Variants in STK3 observed in about 807,000 individuals in gnomAD.
STK3 encodes serine/threonine kinase 3.
A neutral mutation model predicts 58.0 loss-of-function variants in STK3; 41 were observed. The ratio of observed to expected loss-of-function variants is 0.71; its 90% confidence interval spans 0.55 to 0.92. The LOEUF (loss-of-function observed/expected upper bound fraction) is 0.92. Among genes scored for constraint, STK3 ranks in the 40% least tolerant of loss-of-function variants. The pLI is 0.00. For synonymous variants in STK3, 170 were observed against 191.0 expected (o/e 0.89, Z 0.91); for missense variants, 479 against 602.7 (o/e 0.79, Z 2.15).
At chr8:98,942,402 C>G (rs1343456115) in exon 1 of STK3, 1 of 152,280 alleles carries the variant, frequency 6.6e-6, no homozygotes, top group African/African-American at 2.4e-5. Context: ...GTAGTCGTGC[C>G]CAGAACGCCG....
intron 1 of STK3, among the ~76,000 whole-genome samples, chr8:98,387,899 G>A (rs1439190978): frequency 7.2e-6 from 1 of 139,684 alleles, no homozygotes; most frequent in Non-Finnish European, 1.5e-5. Context: ...TGTCAGATAC[G>A]GAGCAGGAAT....
chr8:98,517,900 A>G (rs566576895), intron 10 of STK3, among the ~76,000 whole-genome samples: 44 of 152,236 alleles, frequency 2.9e-4, no homozygotes, highest in Admixed American at 9.8e-4. Context: ...AACATCCAAA[A>G]TTGGGTTATG....
At chr8:98,795,849 T>TACAAC (rs1833135965) in intron 1 of STK3, among the ~76,000 whole-genome samples, 1 of 147,358 alleles carries the variant, frequency 6.8e-6, no homozygotes, top group Admixed American at 6.7e-5. Context: ...TACAATACAA[T>TACAAC]ACAATACAAT....
chr8:98,556,794 G>T (rs1287690484), intron 8 of STK3, among the ~76,000 whole-genome samples: 1 of 151,960 alleles, frequency 6.6e-6, no homozygotes, highest in Non-Finnish European at 1.5e-5. Context: ...GTACTAAAAA[G>T]GGTCATATAG....
At chr8:98,524,392 T>C (rs1162721352) in intron 10 of STK3, among the ~76,000 whole-genome samples, 1 of 152,240 alleles carries the variant, frequency 6.6e-6, no homozygotes, top group Non-Finnish European at 1.5e-5. Flanking sequence ...TTGTAAAAAA[T>C]ATCATTAGGA....
intron 7 of STK3, among the ~76,000 whole-genome samples, chr8:98,588,208 C>G (rs369624933): frequency 1.3e-5 from 2 of 151,910 alleles, no homozygotes; most frequent in African/African-American, 4.8e-5. Flanking sequence ...GGTCTTTACA[C>G]TTTGGCATGA....
intron 2 of STK3, among the ~76,000 whole-genome samples, chr8:98,767,597 G>A (rs1831029798): frequency 6.6e-6 from 1 of 152,164 alleles, no homozygotes. Context: ...ATAATGAGTA[G>A]CTATTTTTCT....
the STK3 span, among the ~76,000 whole-genome samples, chr8:98,362,811 T>C: frequency 6.6e-6 from 1 of 152,202 alleles, no homozygotes; most frequent in African/African-American, 2.4e-5. Flanking sequence ...TCCCTTCACT[T>C]CCTTAGCCAC....
intron 3 of STK3, among the ~76,000 whole-genome samples, chr8:98,838,506 G>A (rs1477437688): frequency 6.6e-6 from 1 of 152,088 alleles, no homozygotes; most frequent in Non-Finnish European, 1.5e-5. Context: ...GGAAAACAGG[G>A]CAATGAGGCC....
the STK3 span, among the ~76,000 whole-genome samples, chr8:98,350,806 C>T: frequency 6.6e-6 from 1 of 152,124 alleles, no homozygotes; most frequent in African/African-American, 2.4e-5. Flanking sequence ...CAGTTATCTC[C>T]CACTGGGTCC....
intron 10 of STK3, among the ~76,000 whole-genome samples, chr8:98,490,722 AAAACCAACTGCAAGTTTCAC>A (rs1261913417): frequency 6.6e-6 from 1 of 152,218 alleles, no homozygotes; most frequent in East Asian, 1.9e-4. Context: ...GCCTTTGAAA[AAAACCAACTGCAAGTTTCAC>A]AAACCATTTA....
intron 3 of STK3, among the ~76,000 whole-genome samples, chr8:98,393,396 CCTT>C (rs1817866505): frequency 6.6e-6 from 1 of 152,152 alleles, no homozygotes; most frequent in Non-Finnish European, 1.5e-5. Flanking sequence ...GTCCTTCACT[CCTT>C]CTTGTGTCCA....
At chr8:98,382,543 T>G (rs906908801) in intron 1 of STK3, among the ~76,000 whole-genome samples, 2 of 151,930 alleles carry the variant, frequency 1.3e-5, no homozygotes, top group Non-Finnish European at 2.9e-5. Flanking sequence ...TTGCCAGGGG[T>G]GGTCTGTGTT....
At chr8:98,363,210 T>C in the STK3 span, among the ~76,000 whole-genome samples, 1 of 152,166 alleles carries the variant, frequency 6.6e-6, no homozygotes, top group Non-Finnish European at 1.5e-5. Flanking sequence ...GCATGCATTT[T>C]TCTATAACAA....
intron 5 of STK3, 56 bp downstream of exon 5, chr8:98,707,091 T>A: frequency 1.3e-6 from 2 of 1,510,900 alleles, no homozygotes; most frequent in Non-Finnish European, 1.8e-6. Context: ...AGTTTAGTTA[T>A]AATCAAATCT....
At chr8:98,836,445 C>T (rs1835750900) in intron 3 of STK3, among the ~76,000 whole-genome samples, 1 of 152,216 alleles carries the variant, frequency 6.6e-6, no homozygotes, top group Admixed American at 6.5e-5. Context: ...CCCAAGTCCC[C>T]ATCTCCAAAG....
At chr8:98,770,216 A>C (rs1831213924) in intron 2 of STK3, among the ~76,000 whole-genome samples, 1 of 152,152 alleles carries the variant, frequency 6.6e-6, no homozygotes, top group South Asian at 2.1e-4. Context: ...ACTTTTCAGC[A>C]GCATGCAGTG....
At chr8:98,768,712 A>T (rs956506565) in intron 2 of STK3, among the ~76,000 whole-genome samples, 1 of 152,240 alleles carries the variant, frequency 6.6e-6, no homozygotes, top group Non-Finnish European at 1.5e-5. Flanking sequence ...AGAAGCTGCA[A>T]TCCCCACTTC....
intron 8 of STK3, among the ~76,000 whole-genome samples, chr8:98,562,234 A>T (rs1370330279): frequency 1.3e-5 from 2 of 152,156 alleles, no homozygotes; most frequent in Non-Finnish European, 2.9e-5. Flanking sequence ...TTATTTATTG[A>T]TAACTGCCCC....
Sources: gnomAD v4.1 joint callset for allele counts (sites outside exome capture counted in the v4.1 genomes callset) on GRCh38, gnomAD v4.1.1 for gene constraint, MANE v1.5 for transcripts, NCBI Gene and HGNC (gene_info 2026-07-23, HGNC 2026-07-21) for gene names.